F13A1: variants seen among roughly 807,000 people sequenced by gnomAD.
F13A1 encodes FSF, A subunit.
Under a neutral mutation model 80.1 loss-of-function variants are expected in F13A1, and 47 were observed. The ratio of observed to expected loss-of-function variants is 0.59; its 90% confidence interval spans 0.46 to 0.75. F13A1 has a LOEUF of 0.75. Among genes scored for constraint, F13A1 ranks in the 30% least tolerant of loss-of-function variants. F13A1 has a pLI of 0.00. For synonymous variants in F13A1, 349 were observed against 344.9 expected, an observed-to-expected ratio of 1.01 and a Z score of -0.13; for missense variants, 817 against 930.4, an observed-to-expected ratio of 0.88 and a Z score of 1.59.
At chr6:6,159,068 A>AT (rs1760529081) in intron 13 of F13A1, among the ~76,000 whole-genome samples, 1 of 151,744 alleles carries the variant, frequency 6.6e-6, no homozygotes, top group Non-Finnish European at 1.5e-5. Flanking sequence ...TGCCTGCCTA[A>AT]TTTTTTGTAC....
chr6:6,311,758 A>G (rs1193874402), intron 2 of F13A1, among the ~76,000 whole-genome samples: 6 of 63,364 alleles, frequency 9.5e-5, no homozygotes, highest in African/African-American at 1.3e-4. Context: ...TATATTACAA[A>G]TATATATTTA....
chr6:6,242,566 A>G (rs904671362), intron 6 of F13A1, among the ~76,000 whole-genome samples: 1 of 152,140 alleles, frequency 6.6e-6, no homozygotes, highest in Non-Finnish European at 1.5e-5. Context: ...TCTCATTAAT[A>G]TTACCTTTTT....
intron 6 of F13A1, among the ~76,000 whole-genome samples, chr6:6,234,404 C>A (rs1402001926): frequency 1.3e-5 from 2 of 151,962 alleles, no homozygotes; most frequent in African/African-American, 2.4e-5. Flanking sequence ...CATAACCAAA[C>A]TATTAATACT....
At position 6,180,864 on chromosome 6, in the gene F13A1, AAAAT is replaced by A. The variant is rs1760970108; in HGVS notation, c.1459+1120_1459+1123del. ...AGCAGGGAGACTGTCTAAACTATTT[AAAAT>A]AAATTCTGCACTCCTTAGCACTTCA... is the stretch of plus-strand genomic sequence containing the variant. On this transcript the variant is annotated intron_variant, in intron 11 of 14. Transcript: ENST00000264870. 3.3e-5 allele frequency among the ~76,000 whole-genome samples: 5 copies of A among 152,256 alleles called. No homozygotes were observed. In the South Asian group the frequency reaches 1.0e-3, roughly 31 times the overall value.
chr6:6,171,948 T>C (rs1211620793), intron 12 of F13A1, among the ~76,000 whole-genome samples: 1 of 152,208 alleles, frequency 6.6e-6, no homozygotes. Context: ...GTTTTTTTTC[T>C]GACCATCTCC....
At chr6:6,244,090 T>C (rs1757523373) in intron 6 of F13A1, among the ~76,000 whole-genome samples, 1 of 152,152 alleles carries the variant, frequency 6.6e-6, no homozygotes, top group Admixed American at 6.5e-5. Flanking sequence ...CCACCTTCTT[T>C]GATAGTCTGA....
chr6:6,207,018 TATG>T (rs1396584139), intron 8 of F13A1, among the ~76,000 whole-genome samples: 1 of 151,880 alleles, frequency 6.6e-6, no homozygotes, highest in Non-Finnish European at 1.5e-5. Flanking sequence ...CACTTGCAAA[TATG>T]ATCACAGCTG....
intron 13 of F13A1, 113 bp from the exon 14 acceptor site, chr6:6,152,062 A>G (rs1760389981): frequency 9.8e-6 from 13 of 1,322,476 alleles, no homozygotes; most frequent in Non-Finnish European, 1.4e-5. Context: ...TTTTTTTGGC[A>G]ATGGAACCAG....
At chr6:6,167,708 T>G in intron 12 of F13A1, 90 bp from the exon 13 acceptor site, 1 of 1,467,830 alleles carries the variant, frequency 6.8e-7, no homozygotes, top group Non-Finnish European at 9.3e-7. Context: ...CCCTCCCACA[T>G]TAGCCTGGAA....
intron 3 of F13A1, among the ~76,000 whole-genome samples, chr6:6,270,082 A>G (rs1376599646): frequency 6.6e-6 from 1 of 152,210 alleles, no homozygotes; most frequent in Non-Finnish European, 1.5e-5. Flanking sequence ...TTGTGCTACA[A>G]TACAACCCTA....
In F13A1 at chr6:6,151,007, C is replaced by G. The variant is rs572973654; in HGVS notation, c.2045+806G>C. Reference sequence around the variant, plus strand: ...AAAAGAGATGGGCCTTACTTTCTGTCAGTCCAGATGGCAGAATTAGGATCA... The same window carrying G: ...AAAAGAGATGGGCCTTACTTTCTGTGAGTCCAGATGGCAGAATTAGGATCA... On this transcript the variant is annotated intron_variant, in intron 14 of 14. Transcript: ENST00000264870. Among the ~76,000 whole-genome samples, 180 of 152,294 alleles carry G rather than the reference C, an allele frequency of 1.2e-3. 2 individuals carry two copies. The highest frequency in any genetic ancestry group is 4.1e-3 in the African/African-American group (169 of 41,564).
intron 3 of F13A1, among the ~76,000 whole-genome samples, chr6:6,282,874 T>C (rs1374597044): frequency 6.6e-6 from 1 of 152,194 alleles, no homozygotes; most frequent in African/African-American, 2.4e-5. Flanking sequence ...CTGAGGCCTT[T>C]GGTGTGAGTG....
At chr6:6,254,981 A>G (rs1320510280) in intron 4 of F13A1, among the ~76,000 whole-genome samples, 1 of 152,118 alleles carries the variant, frequency 6.6e-6, no homozygotes. Context: ...TTTGTGCATT[A>G]GTTTTTCTTT....
At chr6:6,261,473 C>T (rs188872230) in intron 4 of F13A1, among the ~76,000 whole-genome samples, 222 of 152,342 alleles carry the variant, frequency 1.5e-3, no homozygotes, top group African/African-American at 5.0e-3. Flanking sequence ...GTGTTGACCC[C>T]GACCAGCAGC....
At chr6:6,208,455 G>A (rs1053063810) in intron 8 of F13A1, among the ~76,000 whole-genome samples, 1 of 152,168 alleles carries the variant, frequency 6.6e-6, no homozygotes, top group Non-Finnish European at 1.5e-5. Flanking sequence ...CCCAGAAGAA[G>A]AGGAAAGAGA....
intron 11 of F13A1, among the ~76,000 whole-genome samples, chr6:6,180,550 C>G (rs563394302): frequency 3.3e-5 from 5 of 152,120 alleles, no homozygotes; most frequent in Non-Finnish European, 5.9e-5. Flanking sequence ...CCTTTTTTTG[C>G]TTATAACTCT....
At chr6:6,154,696 A>G (rs781070621) in intron 13 of F13A1, among the ~76,000 whole-genome samples, 1 of 152,254 alleles carries the variant, frequency 6.6e-6, no homozygotes, top group Non-Finnish European at 1.5e-5. Context: ...TTGAAGGTGT[A>G]GCAATACATC....
In F13A1 at chr6:6,144,090, C is replaced by T. The variant is rs1467221350; in HGVS notation, c.*1529G>A. On this transcript the variant is annotated 3_prime_UTR_variant, in exon 15 of 15. Transcript: ENST00000264870. ...ACTTCTGCACAGATGCAAATATAATCAGTTTAACTTTATTTTAAGCTTCTA... is the reference window on the plus strand; with the variant it reads ...ACTTCTGCACAGATGCAAATATAATTAGTTTAACTTTATTTTAAGCTTCTA... The T allele has an allele frequency of 6.6e-6, 1 of 152,142 alleles. No homozygotes were observed. The highest frequency in any genetic ancestry group is 1.9e-4 in the East Asian group (1 of 5,200). The allele number at this position is 152,142 out of a possible 1,614,324, so 9.4% of individuals were successfully genotyped here.
chr6:6,233,778 G>T (rs1757381753), intron 6 of F13A1, among the ~76,000 whole-genome samples: 1 of 152,140 alleles, frequency 6.6e-6, no homozygotes, highest in Non-Finnish European at 1.5e-5. Flanking sequence ...TAACAGGAAT[G>T]TGGACATGGT....
Sources: gnomAD v4.1 joint callset for allele counts (sites outside exome capture counted in the v4.1 genomes callset) on GRCh38, gnomAD v4.1.1 for gene constraint, MANE v1.5 for transcripts, NCBI Gene and HGNC (gene_info 2026-07-23, HGNC 2026-07-21) for gene names.